PI4KB: variants seen among roughly 807,000 people sequenced by gnomAD.
PI4KB encodes the protein phosphatidylinositol 4-kinase beta.
PI4KB carries 23 observed loss-of-function variants against 81.4 expected under a neutral mutation model. The observed-to-expected ratio is 0.28, with a 90% confidence interval of 0.20 to 0.40. PI4KB has a LOEUF of 0.40. Among genes scored for constraint, PI4KB ranks in the 10% least tolerant of loss-of-function variants. The pLI, the probability that PI4KB is intolerant of heterozygous loss-of-function variation, is 1.00. For missense variants in PI4KB, 651 were observed against 1,036.6 expected (o/e 0.63, Z 5.11); for synonymous variants, 381 against 406.8 (o/e 0.94, Z 0.76).
Position 151,299,092 on chromosome 1 carries a change from G to A in PI4KB, c.1750-19C>T, listed in dbSNP as rs767657768. On this transcript the variant is annotated intron_variant, in intron 8 of 11. Coordinates refer to ENST00000368873, the MANE Select transcript of PI4KB (RefSeq NM_001369623.2). ...AAATGGACTGTGAGGAGACATGGAGGATACAGGACTCTTATCTTTCTCCAA... is the reference window on the plus strand; with the variant it reads ...AAATGGACTGTGAGGAGACATGGAGAATACAGGACTCTTATCTTTCTCCAA... 1.2e-6 allele frequency: 2 copies of A among 1,607,010 alleles called. No individual in the cohort carries two copies. The highest frequency in any genetic ancestry group is 1.7e-6 in the Non-Finnish European group (2 of 1,174,058).
intron 5 of PI4KB, among the ~76,000 whole-genome samples, chr1:151,304,185 C>T (rs1695536446): frequency 1.3e-5 from 2 of 152,208 alleles, no homozygotes; most frequent in African/African-American, 4.8e-5. Flanking sequence ...TTCTGTCCTT[C>T]ATACCAGAGC....
chr1:151,324,674 C>A, intron 1 of PI4KB: 1 of 761,368 alleles, frequency 1.3e-6, no homozygotes, highest in Non-Finnish European at 1.6e-6. Context: ...CAGATTCCAG[C>A]CAGACAGCCC....
intron 3 of PI4KB, among the ~76,000 whole-genome samples, chr1:151,309,839 G>A (rs1461217371): frequency 6.6e-6 from 1 of 152,194 alleles, no homozygotes; most frequent in Non-Finnish European, 1.5e-5. Flanking sequence ...AAAGGGTTCT[G>A]GGTGGGAGAA....
chr1:151,324,629 G>C (rs879349322), intron 1 of PI4KB: 2 of 290,858 alleles, frequency 6.9e-6, no homozygotes, highest in Non-Finnish European at 1.0e-5. Context: ...GATTCAGGCT[G>C]AGAACTCTGT....
At chr1:151,322,151 T>A (rs2102017923) in intron 1 of PI4KB, among the ~76,000 whole-genome samples, 1 of 152,178 alleles carries the variant, frequency 6.6e-6, no homozygotes, top group South Asian at 2.1e-4. Context: ...GGAAGAGGCC[T>A]CCCCTGTTCC....
chr1:151,305,267 G>A (rs1695663850), intron 5 of PI4KB, among the ~76,000 whole-genome samples: 1 of 152,190 alleles, frequency 6.6e-6, no homozygotes, highest in Non-Finnish European at 1.5e-5. Flanking sequence ...CGCCTGGCCA[G>A]CTGTGTTAAT....
At chr1:151,318,134 C>A (rs1258063110) in intron 1 of PI4KB, among the ~76,000 whole-genome samples, 3 of 152,238 alleles carry the variant, frequency 2.0e-5, no homozygotes, top group African/African-American at 7.2e-5. Context: ...ATATTAAAGT[C>A]TTGGCTAGGC....
intron 5 of PI4KB, among the ~76,000 whole-genome samples, chr1:151,305,329 A>G (rs1695669348): frequency 6.6e-6 from 1 of 152,176 alleles, no homozygotes; most frequent in South Asian, 2.1e-4. Context: ...ATAAAGTTCA[A>G]GTTTCTTTCC....
chr1:151,313,406 A>C (rs182550041), intron 2 of PI4KB, among the ~76,000 whole-genome samples: 1 of 152,230 alleles, frequency 6.6e-6, no homozygotes, highest in East Asian at 1.9e-4. Context: ...CTGGAGTGGG[A>C]GTTAGATGTA....
intron 2 of PI4KB, among the ~76,000 whole-genome samples, chr1:151,313,600 C>T (rs1647445106): frequency 6.6e-6 from 1 of 152,214 alleles, no homozygotes. Context: ...GACAGCTATC[C>T]AACCCTTCAT....
chr1:151,316,224 C>T lies in PI4KB; in HGVS notation c.258G>A (p.Glu86=), dbSNP rs371976920. ...CAGGTGGATCATCTAGGCAACGGAT[C>T]TCACTGTCCACACCATCCCCATTGA... ...ELVNGDGVDS[E]IRCLDDPPAQ... The change falls in exon 2 of 12, where the codon GAG becomes GAA. Residue 86 remains glutamate (E), a synonymous_variant. Transcript: ENST00000368873. The T allele has an allele frequency of 1.1e-5, 18 of 1,614,068 alleles. No individual in the cohort carries two copies. The African/African-American group carries it at 2.4e-4, about 22-fold the overall frequency.
At position 151,315,826 on chromosome 1, in the gene PI4KB, T is replaced by G; in HGVS notation, c.656A>C (p.Tyr219Ser). Residue 219 changes from tyrosine to serine, a missense_variant, in exon 2 of 12, where the codon TAT (tyrosine) becomes TCT (serine). Physicochemically the swap from Tyr to Ser is moderately radical, Grantham distance 144. Coordinates refer to ENST00000368873, the MANE Select transcript of PI4KB (RefSeq NM_001369623.2). The part of the protein sequence containing the change: ...SLQCALLLGA[Y>S]SSDMHISTQR... ...AGTGGAAATGTGCATGTCTGAAGAA[T>G]AGGCCCCAAGCAACAGGGCACACTG... is the stretch of plus-strand genomic sequence containing the variant. 6.2e-7 allele frequency: 1 copy of G among 1,613,444 alleles called. No individual in the cohort carries two copies.
intron 1 of PI4KB, among the ~76,000 whole-genome samples, chr1:151,319,375 ATTATT>A (rs1232585412): frequency 6.6e-6 from 1 of 152,166 alleles, no homozygotes; most frequent in Non-Finnish European, 1.5e-5. Context: ...TAAAACTTAT[ATTATT>A]TTATAAGGGA....
intron 3 of PI4KB, among the ~76,000 whole-genome samples, chr1:151,309,969 C>T (rs1256128892): frequency 1.3e-5 from 2 of 152,156 alleles, no homozygotes; most frequent in Non-Finnish European, 2.9e-5. Flanking sequence ...GCACTGTACT[C>T]CAGCTGTCTC....
chr1:151,304,115 T>G (rs1355944302), intron 5 of PI4KB, among the ~76,000 whole-genome samples: 1 of 152,190 alleles, frequency 6.6e-6, no homozygotes, highest in East Asian at 1.9e-4. Flanking sequence ...CAATCTTATC[T>G]TCTCATCTCT....
At chr1:151,324,053 G>A (rs987340727) in intron 1 of PI4KB, among the ~76,000 whole-genome samples, 1 of 151,922 alleles carries the variant, frequency 6.6e-6, no homozygotes, top group African/African-American at 2.4e-5. Context: ...TCAGGTTCAA[G>A]TGATTCTCTG....
chr1:151,326,130 A>G, intron 1 of PI4KB: 1 of 1,596,584 alleles, frequency 6.3e-7, no homozygotes, highest in Non-Finnish European at 8.6e-7. Flanking sequence ...GATTCCTTTA[A>G]CAAAAGCCTA....
At chr1:151,304,604 C>T (rs1695590558) in intron 5 of PI4KB, among the ~76,000 whole-genome samples, 1 of 151,816 alleles carries the variant, frequency 6.6e-6, no homozygotes, top group Non-Finnish European at 1.5e-5. Flanking sequence ...CTCAGCCTCC[C>T]GAAGTGCTGG....
intron 2 of PI4KB, among the ~76,000 whole-genome samples, chr1:151,315,042 G>A (rs958596130): frequency 7.2e-5 from 11 of 152,204 alleles, no homozygotes; most frequent in African/African-American, 2.4e-4. Context: ...GCAGTGGCGC[G>A]ATCTCTGGTC....
Sources: gnomAD v4.1 joint callset for allele counts (sites outside exome capture counted in the v4.1 genomes callset) on GRCh38, gnomAD v4.1.1 for gene constraint, MANE v1.5 for transcripts, NCBI Gene and HGNC (gene_info 2026-07-23, HGNC 2026-07-21) for gene names.